AQR: variants seen among roughly 807,000 people sequenced by gnomAD.
The protein encoded by AQR is RNA helicase aquarius.
In AQR, 61 loss-of-function variants were observed where a neutral mutation model predicts 180.5. The observed-to-expected ratio is 0.34, with a 90% CI of 0.28 to 0.42. The LOEUF is 0.42. AQR is among the 10% of genes least tolerant of loss of function. The pLI is 1.00. For missense variants in AQR, 1,281 were observed against 1,798.3 expected, an observed-to-expected ratio of 0.71 and a Z score of 5.20; for synonymous variants, 551 against 588.8, an observed-to-expected ratio of 0.94 and a Z score of 0.93.
intron 27 of AQR, among the ~76,000 whole-genome samples, chr15:34,876,242 T>G (rs1040652819): frequency 2.0e-5 from 3 of 152,208 alleles, no homozygotes; most frequent in African/African-American, 4.8e-5. Context: ...CGCCTAAATA[T>G]ACAACTTTAC....
chr15:34,969,633 C>A lies in AQR; in HGVS notation c.-20G>T. ...TGCCATGGCAGCACTCTTCCCTCCA[C>A]TCCAGTGGAAACTAAAGGACCGCTC... On this transcript the variant is annotated 5_prime_UTR_variant, in exon 1 of 35. Transcript: ENST00000156471. 2.5e-6 allele frequency: 4 copies of A among 1,611,440 alleles called. No individual in the cohort carries two copies. In the African/African-American group the frequency reaches 5.3e-5, roughly 21 times the overall value.
intron 14 of AQR, 40 bp downstream of exon 14, chr15:34,920,292 G>C (rs1023635774): frequency 1.4e-6 from 2 of 1,478,186 alleles, no homozygotes; most frequent in Non-Finnish European, 1.9e-6. Flanking sequence ...TAAAAGGCAA[G>C]GAAAACCACA....
rs957938942 is a variant in AQR at position 34,956,036 on chromosome 15, TA to T, written c.174-3117del. ...TTTGCATACTTACATATTATAATGA[TA>T]AAAAAAAGAAACAAGCAGAGAGCTT... is the stretch of plus-strand genomic sequence containing the variant. On this transcript the variant is annotated intron_variant, in intron 3 of 34. Coordinates refer to ENST00000156471, the MANE Select transcript of AQR (RefSeq NM_014691.3). Among the ~76,000 whole-genome samples, 22 of 151,876 alleles carry T rather than the reference TA, an allele frequency of 1.4e-4. No individual in the cohort carries two copies. In the East Asian group the frequency reaches 4.1e-3, roughly 28 times the overall value.
At chr15:34,939,411 G>C (rs577722412) in intron 8 of AQR, among the ~76,000 whole-genome samples, 35 of 152,184 alleles carry the variant, frequency 2.3e-4, no homozygotes, top group African/African-American at 7.5e-4. Flanking sequence ...TGATTTACAA[G>C]TCAGACCGAG....
intron 1 of AQR, among the ~76,000 whole-genome samples, chr15:34,965,274 TCAGTGATGAACACATACAACA>T (rs755830553): frequency 1.0e-3 from 158 of 152,340 alleles, no homozygotes; most frequent in Non-Finnish European, 1.9e-3. Flanking sequence ...CTTTTATAGC[TCAGTGATGAACACATACAACA>T]CACTTAAAGA....
intron 18 of AQR, among the ~76,000 whole-genome samples, chr15:34,906,176 T>G (rs1893412795): frequency 6.6e-6 from 1 of 152,120 alleles, no homozygotes; most frequent in African/African-American, 2.4e-5. Context: ...TCTCAGGAGT[T>G]TGAGACCAGC....
chr15:34,873,685 G>T, intron 30 of AQR, 143 bp downstream of exon 30: 1 of 577,524 alleles, frequency 1.7e-6, no homozygotes, highest in Non-Finnish European at 2.8e-6. Context: ...TAATCAATCT[G>T]AAATCGATTT....
rs1383645109 is a variant in AQR at position 34,946,405 on chromosome 15, C to T, written c.330+1859G>A. Among the ~76,000 whole-genome samples the T allele has an allele frequency of 2.0e-5, 3 of 150,250 alleles. No homozygotes were observed. The Middle Eastern group carries it at 0.01, about 518-fold the overall frequency. On this transcript the variant is annotated intron_variant, in intron 5 of 34. Transcript: ENST00000156471. Reference sequence around the variant, plus strand: ...TCGGGGGGGTCAGCCCCCCGCCCGGCCAGCCGCCCCGTCCGGGAGGGAGGT... The same window carrying T: ...TCGGGGGGGTCAGCCCCCCGCCCGGTCAGCCGCCCCGTCCGGGAGGGAGGT...
intron 13 of AQR, among the ~76,000 whole-genome samples, chr15:34,925,833 A>C (rs1326298306): frequency 1.3e-5 from 2 of 151,268 alleles, no homozygotes; most frequent in Non-Finnish European, 3.0e-5. Context: ...ACTCCGTCTC[A>C]AAAAAAACAA....
chr15:34,913,626 C>CAGAAAA (rs1566988249), intron 16 of AQR, among the ~76,000 whole-genome samples: 3 of 152,098 alleles, frequency 2.0e-5, no homozygotes, highest in African/African-American at 7.2e-5. Flanking sequence ...ATTTTTGTTG[C>CAGAAAA]ACTTGGCATT....
intron 23 of AQR, among the ~76,000 whole-genome samples, chr15:34,892,382 C>T (rs769010596): frequency 9.2e-5 from 14 of 152,128 alleles, no homozygotes; most frequent in Non-Finnish European, 1.2e-4. Context: ...AAAATGCTCC[C>T]AGTAAGGGTT....
rs772519278 is a variant in AQR at position 34,897,539 on chromosome 15, A to T, written c.2390+20T>A. On this transcript the variant is annotated intron_variant, in intron 21 of 34. Transcript: ENST00000156471. ...CAAACTATTGTTCATCATTACAATTATAATAGGTAGTAAAATTACCGTTTG... is the reference window on the plus strand; with the variant it reads ...CAAACTATTGTTCATCATTACAATTTTAATAGGTAGTAAAATTACCGTTTG... The T allele has an allele frequency of 6.2e-7, 1 of 1,611,914 alleles. No individual in the cohort carries two copies. The highest frequency in any genetic ancestry group is 2.2e-5 in the East Asian group (1 of 44,850).
chr15:34,903,424 A>G (rs34028725), intron 19 of AQR, among the ~76,000 whole-genome samples: 1 of 152,154 alleles, frequency 6.6e-6, no homozygotes, highest in African/African-American at 2.4e-5. Flanking sequence ...GGAGGAATAG[A>G]CAAGAAAGGA....
At chr15:34,921,978 AT>A (rs1381459242) in intron 13 of AQR, among the ~76,000 whole-genome samples, 1 of 151,964 alleles carries the variant, frequency 6.6e-6, no homozygotes, top group Non-Finnish European at 1.5e-5. Context: ...ACTCGGCTAA[AT>A]TTTTGTATTT....
At chr15:34,901,228 T>C (rs1370829435) in intron 19 of AQR, among the ~76,000 whole-genome samples, 2 of 152,112 alleles carry the variant, frequency 1.3e-5, no homozygotes, top group Non-Finnish European at 2.9e-5. Context: ...AAGAAAATAC[T>C]TCCTCTCAGT....
Position 34,900,710 on chromosome 15 carries a change from G to C in AQR, c.2155C>G (p.Leu719Val). The change falls in exon 20 of 35, where the codon CTC (leucine) becomes GTC (valine). Residue 719 changes from leucine (L) to valine (V), a missense_variant. Leu to Val is a conservative substitution (Grantham distance 32). This residue lies in a region of AQR where 112 missense variants were observed against 128.6 expected (regional missense o/e 0.87). Transcript: ENST00000156471. ...IATLDFNDTF[L>V]SIEHLKASFP... ...CTGGCTTTTAAATGCTCAATGGAGA[G>C]AAATGTATCATTGAAATCAAGGGTG... 3.1e-6 allele frequency: 5 copies of C among 1,614,186 alleles called. No homozygotes were observed. The highest frequency in any genetic ancestry group is 4.2e-6 in the Non-Finnish European group (5 of 1,180,024).
rs928114240 is a variant in AQR at position 34,854,327 on chromosome 15, T to C, written c.*2465A>G. ...GAGCAATGGGAACACTAATCTGAAA[T>C]AGTCACATGGCTAGAGTACCTGTGT... On this transcript the variant is annotated 3_prime_UTR_variant, in exon 35 of 35. Coordinates refer to ENST00000156471, the MANE Select transcript of AQR (RefSeq NM_014691.3). 2.0e-5 allele frequency: 3 copies of C among 152,140 alleles called. No individual in the cohort carries two copies. The highest frequency in any genetic ancestry group is 4.4e-5 in the Non-Finnish European group (3 of 68,032). 9.4% of individuals were successfully genotyped at this position (152,140 alleles called of 1,614,324 possible).
At chr15:34,893,084 G>T (rs979678519) in intron 23 of AQR, among the ~76,000 whole-genome samples, 3 of 152,080 alleles carry the variant, frequency 2.0e-5, no homozygotes, top group African/African-American at 7.2e-5. Flanking sequence ...CCTTCCTTAT[G>T]TTAGGAACAA....
Position 34,882,504 on chromosome 15 carries a change from T to G in AQR, c.3163A>C (p.Lys1055Gln). 1 of 1,563,960 alleles carries G rather than the reference T, an allele frequency of 6.4e-7. No homozygotes were observed. The highest frequency in any genetic ancestry group is 8.6e-7 in the Non-Finnish European group (1 of 1,159,220). The change falls in exon 27 of 35, where the codon AAG becomes CAG. Residue 1055 changes from lysine (K) to glutamine (Q), a missense_variant and splice_region_variant. Lys to Gln is a moderately conservative substitution (Grantham distance 53). Around this residue, in one of 9 missense-constraint regions of AQR, gnomAD observed 125 missense variants for 185.0 expected, o/e 0.68. Transcript: ENST00000156471. ...AAAAAACTACCATAAGTCTTTACCT[T>G]GAAACCTAGCTTGACCAAGTCATGT... ...KRHDLVKLGFKYDNILMEEAA... is the reference protein window; with the variant it reads ...KRHDLVKLGFQYDNILMEEAA...
Sources: allele counts gnomAD v4.1 joint callset (sites outside exome capture counted in the v4.1 genomes callset), GRCh38; gene constraint gnomAD v4.1.1; regional missense constraint gnomAD v4.1.1; transcripts MANE v1.5; gene names NCBI Gene and HGNC (gene_info 2026-07-23, HGNC 2026-07-21).